The following ATP1B1 variants were observed in gnomAD, a reference collection of about 807,000 sequenced individuals.
ATP1B1 encodes the protein ATPase Na+/K+ transporting subunit beta 1.
ATP1B1 carries 3 observed loss-of-function variants against 39.6 expected under a neutral mutation model. The ratio of observed to expected loss-of-function variants is 0.08; its 90% CI spans 0.03 to 0.20. ATP1B1 has a LOEUF of 0.20. Ranked by LOEUF, ATP1B1 falls within the 10% of genes least tolerant of loss-of-function variation. The pLI is 1.00. For synonymous variants in ATP1B1, 139 were observed against 135.0 expected (o/e 1.03, Z -0.20); for missense variants, 216 against 371.1 (o/e 0.58, Z 3.43).
In ATP1B1 at chr1:169,115,441, T is replaced by C. The variant is rs541014604; in HGVS notation, c.226+3943T>C. ...TTGGCTCACTGCAACCTCTGCCCCC[T>C]GGGTTCAAGCGATTCTCCTGCCTCA... On this transcript the variant is annotated intron_variant, in intron 2 of 5. Coordinates refer to ENST00000367815, the MANE Select transcript of ATP1B1 (RefSeq NM_001677.4). Among the ~76,000 whole-genome samples, 207 of 147,530 alleles carry C rather than the reference T, an allele frequency of 1.4e-3. 2 individuals carry two copies. The highest frequency in any genetic ancestry group is 5.1e-3 in the African/African-American group (196 of 38,486).
chr1:169,131,168 T>TG lies in ATP1B1; in HGVS notation c.649-123dup. ...TTCTCAAGGCTGCAATGGAATAGAC[T>TG]GAGTAGATGTTCTTTCCTCTCTCAG... is the stretch of plus-strand genomic sequence containing the variant. On this transcript the variant is annotated intron_variant, in intron 5 of 5. Coordinates refer to ENST00000367815, the MANE Select transcript of ATP1B1 (RefSeq NM_001677.4). The surrounding 1 kb of genome is among the most constrained non-coding windows in gnomAD (Gnocchi z 4.4). 2 of 1,236,840 alleles carry TG rather than the reference T, an allele frequency of 1.6e-6. No individual in the cohort carries two copies. Among genetic ancestry groups the TG allele is most frequent in the Non-Finnish European group, 2.3e-6 (2 of 879,706 alleles). The allele number at this position is 1,236,840 out of a possible 1,614,324, so 76.6% of individuals were successfully genotyped here.
chr1:169,115,914 C>A (rs1040113715), intron 2 of ATP1B1, among the ~76,000 whole-genome samples: 2 of 152,258 alleles, frequency 1.3e-5, no homozygotes, highest in Non-Finnish European at 2.9e-5. Flanking sequence ...CCAAGCTTTT[C>A]TCCAGAGGAG....
intron 2 of ATP1B1, among the ~76,000 whole-genome samples, chr1:169,123,316 G>A (rs1377094764): frequency 1.3e-5 from 2 of 151,958 alleles, no homozygotes; most frequent in African/African-American, 2.4e-5. Context: ...TTACGATTTT[G>A]CAGGTCTGGA....
chr1:169,126,961 C>G (rs1032493782), intron 3 of ATP1B1, among the ~76,000 whole-genome samples: 1 of 152,162 alleles, frequency 6.6e-6, no homozygotes, highest in Non-Finnish European at 1.5e-5. Context: ...TTGCCAGAGA[C>G]TAAATATTAC....
At chr1:169,115,508 C>T (rs1557948392) in intron 2 of ATP1B1, among the ~76,000 whole-genome samples, 1 of 151,786 alleles carries the variant, frequency 6.6e-6, no homozygotes, top group East Asian at 2.0e-4. Context: ...GCCACCATGC[C>T]CAGCTAATTT....
At chr1:169,109,619 C>G (rs930304491) in intron 1 of ATP1B1, among the ~76,000 whole-genome samples, 1 of 152,154 alleles carries the variant, frequency 6.6e-6, no homozygotes, top group Non-Finnish European at 1.5e-5. Context: ...ACTTGTTTTT[C>G]CGTTGCTCTT....
intron 2 of ATP1B1, among the ~76,000 whole-genome samples, chr1:169,123,743 C>T (rs967783692): frequency 3.3e-5 from 5 of 151,952 alleles, no homozygotes; most frequent in African/African-American, 7.2e-5. Flanking sequence ...TCTCCTGCCT[C>T]AGCCTCCTGA....
chr1:169,123,575 ATC>A (rs1315031887), intron 2 of ATP1B1, among the ~76,000 whole-genome samples: 27 of 60,628 alleles, frequency 4.5e-4, no homozygotes, highest in Admixed American at 1.0e-3. Flanking sequence ...GTTAAACTAT[ATC>A]TCTCTCTCTA....
chr1:169,130,517 A>G (rs1201660758), intron 5 of ATP1B1, among the ~76,000 whole-genome samples: 2 of 152,138 alleles, frequency 1.3e-5, no homozygotes, highest in Non-Finnish European at 2.9e-5. Flanking sequence ...CGCCTGGTGC[A>G]GTGGCTCACG....
chr1:169,126,010 C>T (rs1226134792), intron 3 of ATP1B1, among the ~76,000 whole-genome samples: 1 of 152,136 alleles, frequency 6.6e-6, no homozygotes, highest in Non-Finnish European at 1.5e-5. Context: ...CATAAAACAT[C>T]TCTCTGAGTT....
Position 169,127,324 on chromosome 1 carries a change from A to C in ATP1B1, c.483A>C (p.Gly161=), listed in dbSNP as rs2101791951. The C allele has an allele frequency of 6.2e-7, 1 of 1,612,558 alleles. No individual in the cohort carries two copies. Among genetic ancestry groups the C allele is most frequent in the South Asian group, 1.1e-5 (1 of 90,504 alleles). Residue 161 remains glycine (G), a synonymous_variant, in exon 4 of 6, where the codon GGA becomes GGC. Coordinates refer to ENST00000367815, the MANE Select transcript of ATP1B1 (RefSeq NM_001677.4). ...TTGAATGGCTGGGAAATTGCTCTGG[A>C]TTAAATGATGAAACTTATGGCTACA... ...FKLEWLGNCS[G]LNDETYGYKE...
intron 4 of ATP1B1, among the ~76,000 whole-genome samples, chr1:169,127,953 C>T (rs1658124097): frequency 1.3e-5 from 2 of 152,060 alleles, no homozygotes; most frequent in African/African-American, 4.8e-5. Context: ...ATCATCTAGG[C>T]TGAATTTTGC....
chr1:169,115,200 G>A (rs1047604592), intron 2 of ATP1B1, among the ~76,000 whole-genome samples: 59 of 111,886 alleles, frequency 5.3e-4, no homozygotes, highest in East Asian at 7.4e-4. Context: ...AAAAAAAAAA[G>A]AAAAAAAAGG....
chr1:169,110,567 CTTT>C (rs11423213), intron 1 of ATP1B1: 12,883 of 426,512 alleles, frequency 0.03, no homozygotes, highest in South Asian at 0.034. Context: ...TGTGTTGAGT[CTTT>C]TTTTTTTTTT....
intron 2 of ATP1B1, among the ~76,000 whole-genome samples, chr1:169,120,950 CT>C (rs5778600): frequency 0.11 from 14,330 of 134,540 alleles, 851 homozygotes; most frequent in African/African-American, 0.24. Context: ...CTTTTCTTTT[CT>C]TTTTTTTTTT....
intron 4 of ATP1B1, among the ~76,000 whole-genome samples, chr1:169,129,013 A>G (rs564550033): frequency 6.6e-6 from 1 of 152,266 alleles, no homozygotes; most frequent in South Asian, 2.1e-4. Flanking sequence ...GCATCTCACT[A>G]TCCTCACCAT....
intron 2 of ATP1B1, among the ~76,000 whole-genome samples, chr1:169,115,017 T>C (rs1657811591): frequency 6.6e-6 from 1 of 151,834 alleles, no homozygotes; most frequent in African/African-American, 2.4e-5. Flanking sequence ...ACTCCGTCTC[T>C]ACTAAAAAAT....
In ATP1B1 at chr1:169,125,054, T is replaced by G. The variant is rs1168284621; in HGVS notation, c.382+15T>G. On this transcript the variant is annotated intron_variant, in intron 3 of 5. Coordinates refer to ENST00000367815, the MANE Select transcript of ATP1B1 (RefSeq NM_001677.4). Reference sequence around the variant, plus strand: ...AGATTGTGGCGGTAAGTAGACTCATTGTAGATGTCTGTGGCTAGTTTTCTT... The same window carrying G: ...AGATTGTGGCGGTAAGTAGACTCATGGTAGATGTCTGTGGCTAGTTTTCTT... The G allele has an allele frequency of 6.3e-7, 1 of 1,585,086 alleles. No homozygotes were observed. The highest frequency in any genetic ancestry group is 8.6e-7 in the Non-Finnish European group (1 of 1,166,920).
At position 169,131,256 on chromosome 1, in the gene ATP1B1, T is replaced by G; in HGVS notation, c.649-36T>G. On this transcript the variant is annotated intron_variant, in intron 5 of 5. Transcript: ENST00000367815. This position sits in a 1 kb window ranked among gnomAD's most constrained non-coding sequence, Gnocchi z 4.4. ...TGAGTACACATAGTGATGCATGATG[T>G]GAGCCATTAAAATTTCATTTCATTC... 6.2e-7 allele frequency: 1 copy of G among 1,604,308 alleles called. No individual in the cohort carries two copies. Among genetic ancestry groups the G allele is most frequent in the Non-Finnish European group, 8.5e-7 (1 of 1,174,764 alleles).
Sources: gnomAD v4.1 joint callset for allele counts (sites outside exome capture counted in the v4.1 genomes callset) on GRCh38, gnomAD v4.1.1 for gene constraint, Gnocchi (gnomAD v3.1) non-coding constraint, MANE v1.5 for transcripts, NCBI Gene and HGNC (gene_info 2026-07-23, HGNC 2026-07-21) for gene names.